APPBP2: variants seen among roughly 807,000 people sequenced by gnomAD.
APPBP2 encodes the protein amyloid beta precursor protein binding protein 2, also known as amyloid protein-binding protein 2.
APPBP2 carries 15 observed loss-of-function variants against 76.0 expected under a neutral mutation model. That is an observed-to-expected ratio of 0.20 (90% CI 0.13 to 0.30). The LOEUF is 0.30. Ranked by LOEUF, APPBP2 falls within the 10% of genes least tolerant of loss-of-function variation. APPBP2 has a pLI of 1.00. For missense variants in APPBP2, 401 were observed against 687.2 expected, an observed-to-expected ratio of 0.58 and a Z score of 4.66; for synonymous variants, 222 against 242.2, an observed-to-expected ratio of 0.92 and a Z score of 0.77.
intron 4 of APPBP2, chr17:60,477,435 A>G (rs1197251301): frequency 6.6e-6 from 1 of 152,196 alleles, no homozygotes; most frequent in Non-Finnish European, 1.5e-5. Context: ...GTTCCAAATT[A>G]ACCAGTTTAT....
intron 4 of APPBP2, among the ~76,000 whole-genome samples, chr17:60,473,947 T>C (rs1434967139): frequency 2.0e-5 from 3 of 152,178 alleles, no homozygotes; most frequent in African/African-American, 7.2e-5. Flanking sequence ...TATGATGTCA[T>C]CAGAAATTTA....
chr17:60,470,553 A>G (rs1216405262), intron 4 of APPBP2, among the ~76,000 whole-genome samples: 1 of 152,122 alleles, frequency 6.6e-6, no homozygotes, highest in African/African-American at 2.4e-5. Context: ...GGTGTGAGCC[A>G]CCATGCCCAG....
chr17:60,445,251 T>C lies in APPBP2; in HGVS notation c.*2330A>G, dbSNP rs1361761379. 4 of 152,570 alleles carry C rather than the reference T, an allele frequency of 2.6e-5. No homozygotes were observed. Among genetic ancestry groups the C allele is most frequent in the African/African-American group, 2.4e-5 (1 of 41,420 alleles). 9.5% of individuals were successfully genotyped at this position (152,570 alleles called of 1,614,324 possible). On this transcript the variant is annotated 3_prime_UTR_variant, in exon 13 of 13. Transcript: ENST00000083182. ...AAGGAGAAACTGCCAATAATGATGT[T>C]TCAAAAAAACACAACTGGCTGCCAA...
chr17:60,447,735 T>A lies in APPBP2; in HGVS notation c.1604A>T (p.Glu535Val), dbSNP rs1404841263. The A allele has an allele frequency of 6.2e-7, 1 of 1,614,096 alleles. No individual in the cohort carries two copies. The highest frequency in any genetic ancestry group is 2.2e-5 in the East Asian group (1 of 44,886). Residue 535 changes from glutamate (E) to valine (V), a missense_variant, in exon 13 of 13, where the codon GAA becomes GTA. Glu to Val is a moderately radical substitution (Grantham distance 121). Transcript: ENST00000083182. ...NSIGNYEKVF[E>V]YHNVLSNWNR... ...CCAGTTAGACAGAACATTGTGATAT[T>A]CAAACACTTTCTCGTAATTTCCAAT... is the stretch of plus-strand genomic sequence containing the variant.
intron 1 of APPBP2, among the ~76,000 whole-genome samples, chr17:60,501,958 T>C (rs1181288581): frequency 1.6e-4 from 24 of 152,206 alleles, no homozygotes; most frequent in Non-Finnish European, 2.9e-5. Flanking sequence ...GACCACCACA[T>C]GCTCACGAAG....
chr17:60,460,755 A>G lies in APPBP2; in HGVS notation c.969T>C (p.Gly323=). Residue 323 remains glycine, a synonymous_variant, in exon 9 of 13, where the codon GGT becomes GGC. Coordinates refer to ENST00000083182, the MANE Select transcript of APPBP2 (RefSeq NM_006380.5). ...CTGTTGCTACGTGGATATTTTTGCCACCAAACACTGACTGTCTAATGTCAA... is the reference window on the plus strand; with the variant it reads ...CTGTTGCTACGTGGATATTTTTGCCGCCAAACACTGACTGTCTAATGTCAA... ...AALDIRQSVF[G]GKNIHVATAH... The G allele has an allele frequency of 6.2e-7, 1 of 1,613,842 alleles. No homozygotes were observed. The highest frequency in any genetic ancestry group is 8.5e-7 in the Non-Finnish European group (1 of 1,179,810).
Position 60,526,186 on chromosome 17 carries a change from A to G in APPBP2, c.-255T>C. 4.1e-6 allele frequency: 2 copies of G among 483,352 alleles called. No homozygotes were observed. The highest frequency in any genetic ancestry group is 3.8e-6 in the Non-Finnish European group (1 of 263,280). The allele number at this position is 483,352 out of a possible 1,614,324, so 29.9% of individuals were successfully genotyped here. ...CCAAAAGCGTCACAATCCCGGTTCG[A>G]GAGGAACCCGGGTTCCGTCCCAGCG... On this transcript the variant is annotated 5_prime_UTR_variant, in exon 1 of 13. Coordinates refer to ENST00000083182, the MANE Select transcript of APPBP2 (RefSeq NM_006380.5).
intron 3 of APPBP2, among the ~76,000 whole-genome samples, chr17:60,492,401 T>A (rs536772401): frequency 6.6e-6 from 1 of 152,192 alleles, no homozygotes; most frequent in East Asian, 1.9e-4. Context: ...GAATGGCAGA[T>A]CCACTGAAAG....
At chr17:60,451,685 G>T (rs2090396348) in intron 12 of APPBP2, among the ~76,000 whole-genome samples, 195 bp downstream of exon 12, 2 of 151,918 alleles carry the variant, frequency 1.3e-5, no homozygotes, top group Admixed American at 1.3e-4. Flanking sequence ...CACCATGTTG[G>T]CCAGGCTGGT....
At chr17:60,464,193 T>C in intron 5 of APPBP2, 83 bp from the exon 6 acceptor site, 1 of 950,266 alleles carries the variant, frequency 1.1e-6, no homozygotes, top group Non-Finnish European at 1.6e-6. Context: ...AAAATTTTTC[T>C]ACAAGCACTT....
At chr17:60,491,427 A>T (rs777702420) in intron 3 of APPBP2, among the ~76,000 whole-genome samples, 152 of 151,830 alleles carry the variant, frequency 1.0e-3, no homozygotes, top group Non-Finnish European at 1.6e-3. Context: ...TTATTTTTTT[A>T]TTTTTATTTT....
rs184867340 is a variant in APPBP2 at position 60,444,856 on chromosome 17, G to T, written c.*2725C>A. The stretch of plus-strand genomic sequence containing the variant: ...GAGTCAGAGAAGGATGAGACCAAAG[G>T]CCCCTAATTTAACATAACTTTGCTG... On this transcript the variant is annotated 3_prime_UTR_variant, in exon 13 of 13. Transcript: ENST00000083182. 30 of 152,516 alleles carry T rather than the reference G, an allele frequency of 2.0e-4. No individual in the cohort carries two copies. Among genetic ancestry groups the T allele is most frequent in the African/African-American group, 7.2e-4 (30 of 41,496 alleles). The allele number at this position is 152,516 out of a possible 1,614,324, so 9.4% of individuals were successfully genotyped here.
chr17:60,519,753 T>TTA (rs2090993057), intron 1 of APPBP2, among the ~76,000 whole-genome samples: 1 of 151,944 alleles, frequency 6.6e-6, no homozygotes, highest in Non-Finnish European at 1.5e-5. Flanking sequence ...TTCTGATACT[T>TTA]TTATAATTTT....
intron 6 of APPBP2, chr17:60,462,502 C>T (rs2090482621): frequency 6.3e-6 from 1 of 159,230 alleles, no homozygotes; most frequent in African/African-American, 2.4e-5. Flanking sequence ...CCTATTAATT[C>T]TTTTCTTAAG....
intron 3 of APPBP2, among the ~76,000 whole-genome samples, chr17:60,484,130 G>GC (rs566983386): frequency 5.6e-4 from 85 of 152,310 alleles, no homozygotes; most frequent in Middle Eastern, 3.4e-3. Context: ...GGTTACTGCA[G>GC]CCTTGTAGTA....
chr17:60,472,438 A>T (rs73326490), intron 4 of APPBP2, among the ~76,000 whole-genome samples: 1 of 152,076 alleles, frequency 6.6e-6, no homozygotes, highest in Non-Finnish European at 1.5e-5. Flanking sequence ...TATCTAATTC[A>T]CTGGTGTTCA....
chr17:60,512,790 G>GC (rs78460017), intron 1 of APPBP2, among the ~76,000 whole-genome samples: 1 of 6,650 alleles, frequency 1.5e-4, no homozygotes, highest in Non-Finnish European at 2.1e-4. Flanking sequence ...AGCCGAGACT[G>GC]CCCATTACAC....
intron 3 of APPBP2, among the ~76,000 whole-genome samples, chr17:60,488,254 T>G (rs1229856137): frequency 6.6e-6 from 1 of 152,248 alleles, no homozygotes; most frequent in Non-Finnish European, 1.5e-5. Context: ...TCTTCAGAGC[T>G]GTCAGACAGG....
In APPBP2 at chr17:60,484,534, T is replaced by A. The variant is rs183243645; in HGVS notation, c.380-5263A>T. On this transcript the variant is annotated intron_variant, in intron 3 of 12. Transcript: ENST00000083182. ...TCATAATTTGGCTGTTTATGTGTTA[T>A]TGGTGCATAAGAATGCTTGTGATTT... Among the ~76,000 whole-genome samples, 402 of 152,232 alleles carry A rather than the reference T, an allele frequency of 2.6e-3. 2 individuals are homozygous for A. The highest frequency in any genetic ancestry group is 9.2e-3 in the African/African-American group (381 of 41,560).
Sources: gnomAD v4.1 joint callset for allele counts (sites outside exome capture counted in the v4.1 genomes callset) on GRCh38, gnomAD v4.1.1 for gene constraint, MANE v1.5 for transcripts, NCBI Gene and HGNC (gene_info 2026-07-23, HGNC 2026-07-21) for gene names.